CAST: variants seen among roughly 807,000 people sequenced by gnomAD.
The protein encoded by CAST is calpastatin.
CAST carries 76 observed loss-of-function variants against 119.6 expected under a neutral mutation model. The ratio of observed to expected loss-of-function variants is 0.64; its 90% CI spans 0.53 to 0.77. CAST has a LOEUF of 0.77. Ranked by LOEUF, CAST falls within the 30% of genes least tolerant of loss-of-function variation. CAST has a pLI of 0.00. For missense variants in CAST, 953 were observed against 946.5 expected, an observed-to-expected ratio of 1.01 and a Z score of -0.09; for synonymous variants, 319 against 331.6, an observed-to-expected ratio of 0.96 and a Z score of 0.41.
the CAST span, among the ~76,000 whole-genome samples, chr5:96,263,265 T>G: frequency 6.6e-6 from 1 of 152,242 alleles, no homozygotes; most frequent in South Asian, 2.1e-4. Context: ...CTTTCATATT[T>G]TTAAACCCAG....
chr5:96,540,730 G>T (rs1745897737), intron 1 of CAST, among the ~76,000 whole-genome samples: 1 of 152,100 alleles, frequency 6.6e-6, no homozygotes, highest in African/African-American at 2.4e-5. Flanking sequence ...CTAAGCTCCG[G>T]TAGTTTCTCA....
the CAST span, among the ~76,000 whole-genome samples, chr5:96,043,893 G>T: frequency 6.6e-6 from 1 of 152,134 alleles, no homozygotes; most frequent in African/African-American, 2.4e-5. Flanking sequence ...AAGAATCAAT[G>T]CAGGGAAGGC....
chr5:96,035,898 C>G, the CAST span, among the ~76,000 whole-genome samples: 364 of 151,924 alleles, frequency 2.4e-3, 1 homozygote, highest in African/African-American at 8.4e-3. Flanking sequence ...AGTGGCTTCC[C>G]CATCCCTGCT....
chr5:96,772,577 T>C (rs1016289875), intron 31 of CAST, 63 bp from the exon 32 acceptor site: 5 of 152,784 alleles, frequency 3.3e-5, no homozygotes, highest in African/African-American at 1.2e-4. Flanking sequence ...ATATTTACTA[T>C]GTCTGTAACA....
At chr5:96,128,470 G>T in the CAST span, among the ~76,000 whole-genome samples, 1 of 151,914 alleles carries the variant, frequency 6.6e-6, no homozygotes, top group African/African-American at 2.4e-5. Flanking sequence ...TTTGGCTCCT[G>T]GTTTATTTTT....
the CAST span, among the ~76,000 whole-genome samples, chr5:96,288,661 T>A: frequency 6.6e-6 from 1 of 152,194 alleles, no homozygotes; most frequent in Admixed American, 6.5e-5. Flanking sequence ...CTTAGACATA[T>A]GACTATGTTG....
chr5:96,723,461 A>T (rs553448599), intron 4 of CAST, among the ~76,000 whole-genome samples: 3 of 152,314 alleles, frequency 2.0e-5, no homozygotes, highest in African/African-American at 7.2e-5. Context: ...TATACTGGTT[A>T]TTTCGGATGC....
chr5:96,345,258 C>G, the CAST span, among the ~76,000 whole-genome samples: 19 of 151,732 alleles, frequency 1.3e-4, no homozygotes, highest in Non-Finnish European at 2.8e-4. Context: ...ACCTAATCTA[C>G]TCTTTTTTGA....
the CAST span, among the ~76,000 whole-genome samples, chr5:96,298,205 G>A: frequency 0.89 from 134,944 of 152,270 alleles, 59,971 homozygotes; most frequent in Middle Eastern, 0.92. Context: ...GTAAGCCACC[G>A]TTACAAAACA....
At chr5:96,266,024 T>TG in the CAST span, among the ~76,000 whole-genome samples, 4 of 151,790 alleles carry the variant, frequency 2.6e-5, no homozygotes, top group African/African-American at 9.7e-5. Flanking sequence ...AGTAAAGGAG[T>TG]GGGGGTCTTC....
chr5:96,145,903 T>G, the CAST span, among the ~76,000 whole-genome samples: 1 of 152,164 alleles, frequency 6.6e-6, no homozygotes, highest in Non-Finnish European at 1.5e-5. Context: ...AGTGGATGGT[T>G]GATGCTAGCT....
At chr5:96,369,537 G>C in the CAST span, among the ~76,000 whole-genome samples, 2 of 152,106 alleles carry the variant, frequency 1.3e-5, no homozygotes, top group East Asian at 1.9e-4. Context: ...TGATCTGGCT[G>C]GTTGTTTTGT....
the CAST span, among the ~76,000 whole-genome samples, chr5:96,421,593 T>A: frequency 1.3e-5 from 2 of 152,324 alleles, no homozygotes; most frequent in African/African-American, 4.8e-5. Context: ...GTGTGTACTC[T>A]TTATGTCTCA....
intron 1 of CAST, among the ~76,000 whole-genome samples, chr5:96,619,432 G>A (rs534755488): frequency 6.6e-6 from 1 of 152,348 alleles, no homozygotes; most frequent in South Asian, 2.1e-4. Flanking sequence ...TCAGCTGTCT[G>A]TAAAATGGAC....
chr5:96,120,820 G>T, the CAST span, among the ~76,000 whole-genome samples: 1 of 150,860 alleles, frequency 6.6e-6, no homozygotes, highest in African/African-American at 2.4e-5. Context: ...TCTTCTTGCT[G>T]GTCCTCCTGG....
the CAST span, among the ~76,000 whole-genome samples, chr5:96,167,103 GAGA>G: frequency 6.6e-6 from 1 of 152,192 alleles, no homozygotes; most frequent in South Asian, 2.1e-4. Flanking sequence ...AAAGGAATAA[GAGA>G]AGGAGAGAAA....
chr5:96,389,084 G>C, the CAST span, among the ~76,000 whole-genome samples: 1 of 151,894 alleles, frequency 6.6e-6, no homozygotes, highest in African/African-American at 2.4e-5. Flanking sequence ...AATGGTTTTT[G>C]CAGTGGGGTG....
chr5:96,723,458 G>A (rs1758670032), intron 4 of CAST, among the ~76,000 whole-genome samples: 1 of 152,116 alleles, frequency 6.6e-6, no homozygotes, highest in Admixed American at 6.5e-5. Context: ...AAATATACTG[G>A]TTATTTCGGA....
At chr5:96,277,787 A>G in the CAST span, among the ~76,000 whole-genome samples, 1 of 152,116 alleles carries the variant, frequency 6.6e-6, no homozygotes, top group Non-Finnish European at 1.5e-5. Flanking sequence ...ATGAATGGTC[A>G]ACATTAGAAA....
Sources: allele counts gnomAD v4.1 joint callset (sites outside exome capture counted in the v4.1 genomes callset), GRCh38; gene constraint gnomAD v4.1.1; transcripts MANE v1.5; gene names NCBI Gene and HGNC (gene_info 2026-07-23, HGNC 2026-07-21).